DPP6: variants seen among roughly 807,000 people sequenced by gnomAD.
DPP6 encodes the protein A-type potassium channel modulatory protein DPP6.
Under a neutral mutation model 122.6 loss-of-function variants are expected in DPP6, and 69 were observed. That is an observed-to-expected ratio of 0.56 (90% CI 0.46 to 0.69). The LOEUF is 0.69. DPP6 is among the 30% of genes least tolerant of loss of function. The pLI, the probability that DPP6 is intolerant of heterozygous loss-of-function variation, is 0.00. For missense variants in DPP6, 928 were observed against 1,116.9 expected (o/e 0.83, Z 2.41); for synonymous variants, 418 against 433.1 (o/e 0.97, Z 0.43).
chr7:154,132,381 G>A (rs534157606), intron 1 of DPP6, among the ~76,000 whole-genome samples: 108 of 152,200 alleles, frequency 7.1e-4, no homozygotes, highest in African/African-American at 2.4e-3. Context: ...AACCCACAGG[G>A]CACCTGCCAT....
chr7:154,289,903 C>T (rs532988427), intron 1 of DPP6, among the ~76,000 whole-genome samples: 10 of 152,174 alleles, frequency 6.6e-5, no homozygotes, highest in African/African-American at 2.4e-4. Flanking sequence ...GGTGATGAGG[C>T]TAATCAAACA....
rs1342846456 is a variant in DPP6, at chr7:154,481,344, GGGGTGTGT to G, written c.457+6309_457+6316del. Among the ~76,000 whole-genome samples, 38 of 30,876 alleles carry G rather than the reference GGGGTGTGT, an allele frequency of 1.2e-3. No individual in the cohort carries two copies. The East Asian group carries it at 0.016, about 13-fold the overall frequency. The allele number at this position is 30,876 out of a possible 152,430, so 20.3% of individuals were successfully genotyped here. A position where few individuals can be genotyped will look rare whatever the true frequency, so the allele number is the denominator to read the frequency against. On this transcript the variant is annotated intron_variant, in intron 3 of 25. Transcript: ENST00000377770. This position sits in a 1 kb window ranked among gnomAD's most constrained non-coding sequence, Gnocchi z 4.2. Reference sequence around the variant, plus strand: ...CTATACACTTGGAGAGAGAGAGAGAGGGGTGTGTGTGTGTGTGTGTGTGTGTGTGTCTG... The same window carrying G: ...CTATACACTTGGAGAGAGAGAGAGAGGTGTGTGTGTGTGTGTGTGTGTCTG...
chr7:154,296,110 A>AT (rs11385468), intron 1 of DPP6, among the ~76,000 whole-genome samples: 12,706 of 151,750 alleles, frequency 0.084, 1,191 homozygotes, highest in African/African-American at 0.24. Context: ...ATGCTGGCTA[A>AT]TTTTTTGTAT....
At chr7:154,188,795 TTACATATTTCGATAAAAGAACA>T (rs1798477510) in intron 1 of DPP6, among the ~76,000 whole-genome samples, 1 of 152,176 alleles carries the variant, frequency 6.6e-6, no homozygotes, top group South Asian at 2.1e-4. Context: ...AAACCTATAT[TTACATATTTCGATAAAAGAACA>T]AAATACAATA....
chr7:154,793,019 G>C (rs1797786313), intron 10 of DPP6, among the ~76,000 whole-genome samples: 1 of 152,194 alleles, frequency 6.6e-6, no homozygotes, highest in Admixed American at 6.5e-5. Context: ...TGTGGCACTG[G>C]AATCTCCTGG....
Position 154,053,308 on chromosome 7 carries a change from G to C in DPP6, c.243+245G>C, listed in dbSNP as rs1206670591. Among the ~76,000 whole-genome samples the C allele has an allele frequency of 9.9e-5, 15 of 152,172 alleles. No homozygotes were observed. The South Asian group carries it at 3.1e-3, about 32-fold the overall frequency. ...TGGTGGCTGGAGAGAGCGGGGTTTG[G>C]GTACTGCGCCTGCTGGGATCTGGAA... On this transcript the variant is annotated intron_variant, in intron 1 of 25. Coordinates refer to ENST00000377770, the MANE Select transcript of DPP6 (RefSeq NM_130797.4).
intron 1 of DPP6, among the ~76,000 whole-genome samples, chr7:154,388,748 G>C (rs986624054): frequency 6.6e-6 from 1 of 152,090 alleles, no homozygotes; most frequent in African/African-American, 2.4e-5. Flanking sequence ...GGGGTGGAGC[G>C]TTGACCAGGC....
chr7:153,777,418 C>A, the DPP6 span, among the ~76,000 whole-genome samples: 1 of 138,212 alleles, frequency 7.2e-6, no homozygotes, highest in East Asian at 2.1e-4. Flanking sequence ...AAGGTGTGCT[C>A]ACATAAAAAC....
the DPP6 span, among the ~76,000 whole-genome samples, chr7:153,843,271 TGC>T: frequency 0.46 from 68,680 of 148,336 alleles, 16,542 homozygotes; most frequent in East Asian, 0.68. Flanking sequence ...CACACACGCA[TGC>T]GCGCGCGCAC....
chr7:154,185,039 T>G (rs148365572), intron 1 of DPP6, among the ~76,000 whole-genome samples: 9 of 152,330 alleles, frequency 5.9e-5, no homozygotes, highest in African/African-American at 1.9e-4. Context: ...AATATGTGTA[T>G]ATATGTTTTC....
chr7:154,052,370 C>T (rs185557120), upstream of DPP6: 151 of 153,268 alleles, frequency 9.9e-4, no homozygotes, highest in Middle Eastern at 6.9e-3. The surrounding 1 kb of genome is among the most constrained non-coding windows in gnomAD (Gnocchi z 4.8). Context: ...CGCGAGGGGC[C>T]TGGGGGCGGG....
chr7:154,238,564 C>A (rs920252783), intron 1 of DPP6, among the ~76,000 whole-genome samples: 2 of 152,170 alleles, frequency 1.3e-5, no homozygotes, highest in Non-Finnish European at 2.9e-5. Flanking sequence ...TGATTCAGAC[C>A]AGCAAACCAA....
chr7:154,856,778 G>C (rs1296574700), intron 17 of DPP6, among the ~76,000 whole-genome samples: 4 of 152,200 alleles, frequency 2.6e-5, no homozygotes, highest in Non-Finnish European at 5.9e-5. Context: ...GTTTGCAGTT[G>C]AGCTGTCACT....
intron 10 of DPP6, among the ~76,000 whole-genome samples, chr7:154,776,200 G>GATAGATAGATAGATAT (rs1796552408): frequency 1.6e-4 from 1 of 6,136 alleles, no homozygotes; most frequent in African/African-American, 9.4e-4. Flanking sequence ...CATGATAGAT[G>GATAGATAGATAGATAT]ATAGATAGAT....
At chr7:153,782,425 G>T in the DPP6 span, among the ~76,000 whole-genome samples, 1 of 152,118 alleles carries the variant, frequency 6.6e-6, no homozygotes, top group African/African-American at 2.4e-5. Context: ...TCAACTAGAG[G>T]CAGGCAGAAC....
intron 1 of DPP6, chr7:154,026,960 A>G (rs1355547407): frequency 6.8e-6 from 1 of 147,880 alleles, no homozygotes; most frequent in Admixed American, 6.8e-5. Flanking sequence ...TGAATATAAA[A>G]TCAGAATCCA....
chr7:154,365,096 C>G (rs1229955339), intron 1 of DPP6, among the ~76,000 whole-genome samples: 1 of 152,150 alleles, frequency 6.6e-6, no homozygotes, highest in African/African-American at 2.4e-5. Context: ...GTTCATTTGA[C>G]TTGGTGTCAG....
At chr7:153,816,188 C>T in the DPP6 span, among the ~76,000 whole-genome samples, 4 of 151,872 alleles carry the variant, frequency 2.6e-5, no homozygotes, top group African/African-American at 7.2e-5. Flanking sequence ...GCAATAAAAG[C>T]CAAAAAATAA....
upstream of DPP6, among the ~76,000 whole-genome samples, chr7:154,051,484 G>A (rs560860175): frequency 0.019 from 2,902 of 150,186 alleles, 38 homozygotes; most frequent in Non-Finnish European, 0.029. Context: ...GGCCTGGAGC[G>A]GAGGAGCGGA....
Sources: allele counts gnomAD v4.1 joint callset (sites outside exome capture counted in the v4.1 genomes callset), GRCh38; gene constraint gnomAD v4.1.1; non-coding constraint Gnocchi (gnomAD v3.1); transcripts MANE v1.5; gene names NCBI Gene and HGNC (gene_info 2026-07-23, HGNC 2026-07-21).